The following B3GALT1 variants were observed in gnomAD, a reference collection of about 807,000 sequenced individuals.
The protein encoded by B3GALT1 is UDP-Gal:betaGlcNAc beta 1,3-galactosyltransferase, polypeptide 1.
In B3GALT1, 10 loss-of-function variants were observed where a neutral mutation model predicts 23.2. The observed-to-expected ratio is 0.43, with a 90% CI of 0.27 to 0.73. The LOEUF (loss-of-function observed/expected upper bound fraction) is 0.73, where lower values mean the gene tolerates loss of function less well. Among genes scored for constraint, B3GALT1 ranks in the 30% least tolerant of loss-of-function variants. The pLI is 0.21. For synonymous variants in B3GALT1, 156 were observed against 141.5 expected (o/e 1.10, Z -0.73); for missense variants, 299 against 405.4 (o/e 0.74, Z 2.25).
intron 2 of B3GALT1, among the ~76,000 whole-genome samples, chr2:167,594,729 G>A (rs576962122): frequency 1.3e-5 from 2 of 152,160 alleles, no homozygotes; most frequent in South Asian, 4.2e-4. Flanking sequence ...CCTGGCCAAC[G>A]TGGTGAAACC....
intron 1 of B3GALT1, among the ~76,000 whole-genome samples, chr2:167,311,995 A>G (rs1696640268): frequency 6.6e-6 from 1 of 151,990 alleles, no homozygotes; most frequent in Non-Finnish European, 1.5e-5. Flanking sequence ...AATAAAGTAA[A>G]CCACACTTAG....
At chr2:167,478,738 C>T (rs1699523360) in intron 1 of B3GALT1, among the ~76,000 whole-genome samples, 2 of 151,564 alleles carry the variant, frequency 1.3e-5, no homozygotes, top group Non-Finnish European at 2.9e-5. Flanking sequence ...CATGATAGGC[C>T]CCGGTGTGTG....
At chr2:167,576,520 G>GTTTTTTTTTTTGTTTTTTTTTTT (rs1376836988) in intron 2 of B3GALT1, among the ~76,000 whole-genome samples, 1 of 122,424 alleles carries the variant, frequency 8.2e-6, no homozygotes, top group East Asian at 2.2e-4. Flanking sequence ...TTGTTTTTCT[G>GTTTTTTTTTTTGTTTTTTTTTTT]TTTTTTTTTT....
intron 2 of B3GALT1, among the ~76,000 whole-genome samples, chr2:167,639,315 A>T (rs1157859919): frequency 6.7e-6 from 1 of 150,194 alleles, no homozygotes; most frequent in African/African-American, 2.5e-5. Flanking sequence ...GTACCCTCCT[A>T]GATGTCTGAT....
intron 1 of B3GALT1, among the ~76,000 whole-genome samples, chr2:167,378,353 A>C (rs1230682148): frequency 6.6e-6 from 1 of 151,962 alleles, no homozygotes; most frequent in Non-Finnish European, 1.5e-5. Flanking sequence ...GATTTCTTGT[A>C]TCTGGATGTC....
At chr2:167,697,749 C>T (rs1032315015) in intron 3 of B3GALT1, among the ~76,000 whole-genome samples, 2 of 152,176 alleles carry the variant, frequency 1.3e-5, no homozygotes, top group Non-Finnish European at 2.9e-5. Flanking sequence ...AGATGCCACA[C>T]ATTTTTCCCA....
intron 2 of B3GALT1, among the ~76,000 whole-genome samples, chr2:167,495,600 TG>T (rs534420181): frequency 2.4e-4 from 36 of 152,196 alleles, no homozygotes; most frequent in Non-Finnish European, 4.1e-4. Context: ...TCCAAAGTGC[TG>T]GGATTACAGG....
Position 167,502,663 on chromosome 2 carries a change from T to C in B3GALT1, c.-410+12386T>C, listed in dbSNP as rs541942511. On this transcript the variant is annotated intron_variant, in intron 2 of 4. Transcript: ENST00000392690. ...CCAGATCTCATGAGATCTCACTCAC[T>C]ATTACAAGAACAGCAAGGGGGGGAT... is the stretch of plus-strand genomic sequence containing the variant. 2.0e-5 allele frequency among the ~76,000 whole-genome samples: 3 copies of C among 152,164 alleles called. No individual in the cohort carries two copies. The East Asian group carries it at 5.8e-4, about 29-fold the overall frequency.
intron 2 of B3GALT1, among the ~76,000 whole-genome samples, chr2:167,597,898 A>G (rs1684808200): frequency 6.6e-6 from 1 of 152,330 alleles, no homozygotes; most frequent in Non-Finnish European, 1.5e-5. Flanking sequence ...TAGATATTAT[A>G]TGAGGGAGAA....
At chr2:167,651,526 G>A (rs1685869084) in intron 3 of B3GALT1, among the ~76,000 whole-genome samples, 1 of 152,088 alleles carries the variant, frequency 6.6e-6, no homozygotes, top group Non-Finnish European at 1.5e-5. Context: ...AAAGAGGTAA[G>A]TGCTGAGATA....
intron 2 of B3GALT1, among the ~76,000 whole-genome samples, chr2:167,532,129 G>A (rs12478609): frequency 0.44 from 67,514 of 151,890 alleles, 16,639 homozygotes; most frequent in East Asian, 0.87. Context: ...TCTCCTGTTT[G>A]TTAGCCACTT....
At chr2:167,688,357 A>G (rs1359083499) in intron 3 of B3GALT1, among the ~76,000 whole-genome samples, 1 of 152,210 alleles carries the variant, frequency 6.6e-6, no homozygotes, top group Non-Finnish European at 1.5e-5. Context: ...ATTTTAAAGC[A>G]GCTGTCATAA....
chr2:167,480,180 C>T (rs1053460295), intron 1 of B3GALT1, among the ~76,000 whole-genome samples: 2 of 152,178 alleles, frequency 1.3e-5, no homozygotes, highest in Non-Finnish European at 2.9e-5. Context: ...ACCATGCCTA[C>T]ATTTTAGCAG....
chr2:167,590,372 A>G (rs562637083), intron 2 of B3GALT1, among the ~76,000 whole-genome samples: 1 of 150,662 alleles, frequency 6.6e-6, no homozygotes, highest in South Asian at 2.1e-4. Flanking sequence ...AAAAAGGAAG[A>G]CATAACATTT....
intron 3 of B3GALT1, among the ~76,000 whole-genome samples, chr2:167,656,721 G>C (rs1316567456): frequency 6.6e-6 from 1 of 152,142 alleles, no homozygotes; most frequent in East Asian, 1.9e-4. Flanking sequence ...TGTTGGTGAA[G>C]CAAAGGAAAA....
At chr2:167,858,221 A>AT (rs912012001) in intron 4 of B3GALT1, among the ~76,000 whole-genome samples, 12 of 151,214 alleles carry the variant, frequency 7.9e-5, no homozygotes, top group Admixed American at 6.0e-4. Context: ...TATCCTCCCC[A>AT]TTTTTTTTAC....
At chr2:167,631,303 C>T (rs986810572) in intron 2 of B3GALT1, among the ~76,000 whole-genome samples, 9 of 151,802 alleles carry the variant, frequency 5.9e-5, no homozygotes, top group African/African-American at 2.2e-4. Context: ...TTGATCAGGA[C>T]AAAACACCTG....
intron 1 of B3GALT1, among the ~76,000 whole-genome samples, chr2:167,481,292 A>T (rs1475904311): frequency 6.6e-6 from 1 of 152,190 alleles, no homozygotes; most frequent in Non-Finnish European, 1.5e-5. Flanking sequence ...CTACAGAACA[A>T]ACCCACAGTG....
At chr2:167,654,575 C>T (rs1328527348) in intron 3 of B3GALT1, among the ~76,000 whole-genome samples, 1 of 152,128 alleles carries the variant, frequency 6.6e-6, no homozygotes, top group Non-Finnish European at 1.5e-5. Context: ...TCATAGCTCA[C>T]TGCAGCCTTC....
Sources: allele counts gnomAD v4.1 joint callset (sites outside exome capture counted in the v4.1 genomes callset), GRCh38; gene constraint gnomAD v4.1.1; transcripts MANE v1.5; gene names NCBI Gene and HGNC (gene_info 2026-07-23, HGNC 2026-07-21).